The following ATG7 variants were observed in gnomAD, a reference collection of about 807,000 sequenced individuals.
The protein encoded by ATG7 is autophagy related 7.
ATG7 carries 70 observed loss-of-function variants against 82.4 expected under a neutral mutation model. The observed-to-expected ratio is 0.85, with a 90% CI of 0.70 to 1.04. The LOEUF (loss-of-function observed/expected upper bound fraction) is 1.04, where lower values mean the gene tolerates loss of function less well. ATG7 is among the 50% of genes least tolerant of loss of function. The pLI is 0.00. For synonymous variants in ATG7, 287 were observed against 313.0 expected (o/e 0.92, Z 0.88); for missense variants, 792 against 864.3 (o/e 0.92, Z 1.05).
At chr3:11,285,166 C>G (rs1333958241) in intron 3 of ATG7, among the ~76,000 whole-genome samples, 3 of 140,668 alleles carry the variant, frequency 2.1e-5, no homozygotes, top group Non-Finnish European at 4.6e-5. Flanking sequence ...TTTTAAAAGC[C>G]CGGCCTTTTT....
At chr3:11,482,881 A>G (rs1351562701) in intron 20 of ATG7, among the ~76,000 whole-genome samples, 2 of 151,692 alleles carry the variant, frequency 1.3e-5, no homozygotes, top group African/African-American at 4.9e-5. Flanking sequence ...TTATCTATAT[A>G]CCTATGTAAA....
intron 5 of ATG7, among the ~76,000 whole-genome samples, chr3:11,300,556 T>C (rs1383331353): frequency 1.3e-5 from 2 of 152,178 alleles, no homozygotes; most frequent in Non-Finnish European, 2.9e-5. Flanking sequence ...GATGACAGTG[T>C]CTGCTAGAAA....
intron 19 of ATG7, among the ~76,000 whole-genome samples, chr3:11,395,873 G>C (rs887917147): frequency 6.7e-6 from 1 of 148,684 alleles, no homozygotes; most frequent in Non-Finnish European, 1.5e-5. Context: ...CGAGGAGGCG[G>C]AGCTCGCAGT....
chr3:11,522,246 A>T (rs1298276685), intron 20 of ATG7, among the ~76,000 whole-genome samples: 1 of 152,114 alleles, frequency 6.6e-6, no homozygotes, highest in Admixed American at 6.5e-5. Context: ...AGCCCTGTGG[A>T]AGAGGTAAGT....
intron 20 of ATG7, among the ~76,000 whole-genome samples, chr3:11,538,693 AAAAAAAAAAAAAAT>A (rs2070545514): frequency 7.1e-6 from 1 of 141,780 alleles, no homozygotes; most frequent in African/African-American, 2.7e-5. Flanking sequence ...AAAAAAAAAA[AAAAAAAAAAAAAAT>A]TAGCCAAAAA....
At chr3:11,434,612 A>T (rs1351098578) in intron 20 of ATG7, among the ~76,000 whole-genome samples, 4 of 152,220 alleles carry the variant, frequency 2.6e-5, no homozygotes, top group Non-Finnish European at 5.9e-5. Context: ...TCTCACTTAT[A>T]ACTTACTTTA....
chr3:11,453,193 G>A (rs1429451423), intron 20 of ATG7, among the ~76,000 whole-genome samples: 2 of 152,188 alleles, frequency 1.3e-5, no homozygotes, highest in Non-Finnish European at 2.9e-5. Flanking sequence ...TTCCCCAGGT[G>A]GAGAACAGAC....
chr3:11,491,235 C>G (rs1196591710), intron 20 of ATG7, among the ~76,000 whole-genome samples: 1 of 152,184 alleles, frequency 6.6e-6, no homozygotes, highest in African/African-American at 2.4e-5. Context: ...TCTTCCATCA[C>G]TGATACCCTT....
At chr3:11,284,714 A>G (rs1006632936) in intron 3 of ATG7, among the ~76,000 whole-genome samples, 2 of 151,602 alleles carry the variant, frequency 1.3e-5, no homozygotes, top group South Asian at 2.1e-4. Context: ...ACCACTCCAT[A>G]ATAATTTTTT....
chr3:11,427,758 T>C (rs1553658275), intron 20 of ATG7, among the ~76,000 whole-genome samples: 1 of 149,362 alleles, frequency 6.7e-6, no homozygotes, highest in Non-Finnish European at 1.5e-5. Context: ...GAGGTTGCAA[T>C]GAGCCGAGAT....
chr3:11,330,691 C>T (rs776385151), intron 9 of ATG7, among the ~76,000 whole-genome samples: 7 of 152,038 alleles, frequency 4.6e-5, no homozygotes, highest in Non-Finnish European at 1.0e-4. Context: ...AGGAAGGAGA[C>T]AGAAAATGAA....
chr3:11,463,459 C>T (rs574643082), intron 20 of ATG7, among the ~76,000 whole-genome samples: 4 of 152,322 alleles, frequency 2.6e-5, no homozygotes, highest in East Asian at 3.9e-4. Flanking sequence ...GGGAATTTCT[C>T]CACCCTGGAT....
the ATG7 span, among the ~76,000 whole-genome samples, chr3:11,568,097 G>A: frequency 8.5e-5 from 13 of 152,240 alleles, no homozygotes; most frequent in Admixed American, 3.3e-4. The surrounding 1 kb of genome is among the most constrained non-coding windows in gnomAD (Gnocchi z 5.9). Context: ...AGGCCCGGGA[G>A]GGGCTGCAGC....
Position 11,378,841 on chromosome 3 carries a change from G to A in ATG7, c.1876-1131G>A, listed in dbSNP as rs571891180. Among the ~76,000 whole-genome samples the A allele has an allele frequency of 1.2e-4, 18 of 151,968 alleles. No homozygotes were observed. The South Asian group carries it at 3.5e-3, about 30-fold the overall frequency. On this transcript the variant is annotated intron_variant, in intron 18 of 20. Coordinates refer to ENST00000693202, the MANE Select transcript of ATG7 (RefSeq NM_001349232.2). ...CAAAAGAAGCCTTTTTCTTTAAATAGTTTGTCAAATTGTTTGTTTTTCGGG... is the reference window on the plus strand; with the variant it reads ...CAAAAGAAGCCTTTTTCTTTAAATAATTTGTCAAATTGTTTGTTTTTCGGG...
chr3:11,565,028 G>C, the ATG7 span: 3 of 1,474,862 alleles, frequency 2.0e-6, no homozygotes, highest in Non-Finnish European at 2.7e-6. This position sits in a 1 kb window ranked among gnomAD's most constrained non-coding sequence, Gnocchi z 4.1. Flanking sequence ...TCCTGAAAAA[G>C]AGGAATGGGC....
At chr3:11,314,172 A>G (rs1208404359) in intron 8 of ATG7, among the ~76,000 whole-genome samples, 1 of 152,242 alleles carries the variant, frequency 6.6e-6, no homozygotes, top group Non-Finnish European at 1.5e-5. Flanking sequence ...TTAGTCGGTG[A>G]CATTTGGGAT....
In ATG7 at chr3:11,555,133, T is replaced by A; in HGVS notation, c.*290T>A. 2 of 440,832 alleles carry A rather than the reference T, an allele frequency of 4.5e-6. No homozygotes were observed. The highest frequency in any genetic ancestry group is 8.1e-6 in the Non-Finnish European group (2 of 247,786). 27.3% of individuals were successfully genotyped at this position (440,832 alleles called of 1,614,324 possible). A position where few individuals can be genotyped will look rare whatever the true frequency, so the allele number is the denominator to read the frequency against. ...TTCTTGTCACAGTGACTGATAGCCA[T>A]CCCCCAGGATCCTTTCCCCTTGGCC... On this transcript the variant is annotated 3_prime_UTR_variant, in exon 21 of 21. Coordinates refer to ENST00000693202, the MANE Select transcript of ATG7 (RefSeq NM_001349232.2).
chr3:11,439,107 T>C (rs1346899902), intron 20 of ATG7, among the ~76,000 whole-genome samples: 1 of 148,882 alleles, frequency 6.7e-6, no homozygotes, highest in Non-Finnish European at 1.5e-5. Flanking sequence ...CTCACCCTGT[T>C]GCACAGGCTG....
chr3:11,402,824 C>T (rs1002520346), intron 19 of ATG7, among the ~76,000 whole-genome samples: 3 of 152,108 alleles, frequency 2.0e-5, no homozygotes, highest in African/African-American at 7.2e-5. Context: ...ATAGCCACCA[C>T]ACCCAGTTTA....
Sources: allele counts gnomAD v4.1 joint callset (sites outside exome capture counted in the v4.1 genomes callset), GRCh38; gene constraint gnomAD v4.1.1; non-coding constraint Gnocchi (gnomAD v3.1); transcripts MANE v1.5; gene names NCBI Gene and HGNC (gene_info 2026-07-23, HGNC 2026-07-21).